DMD: variants seen among roughly 807,000 people sequenced by gnomAD.
DMD encodes dystrophin.
In DMD, 63 loss-of-function variants were observed where a neutral mutation model predicts 330.1. The observed-to-expected ratio is 0.19, with a 90% CI of 0.16 to 0.24. The LOEUF is 0.24. DMD is among the 10% of genes least tolerant of loss of function. The pLI, the probability that DMD is intolerant of heterozygous loss-of-function variation, is 1.00. For missense variants in DMD, 3,344 were observed against 2,684.1 expected (o/e 1.25, Z -5.43); for synonymous variants, 1,223 against 959.8 (o/e 1.27, Z -5.07).
In DMD at chrX:32,438,356, T is replaced by A. The variant is rs752026173; in HGVS notation, c.3956A>T (p.Asn1319Ile). ...LENLMRHSED[N>I]PNQIRILAQT... ...TGCCAATATGCGAATCTGATTTGGG[T>A]TATCCTCTGAATGTCGCATCAAATT... is the stretch of plus-strand genomic sequence containing the variant. Residue 1319 changes from asparagine to isoleucine, a missense_variant, in exon 29 of 79, where the codon AAC (asparagine) becomes ATC (isoleucine). By Grantham distance (149) the Asn-to-Ile change is moderately radical. Transcript: ENST00000357033. 8.3e-7 allele frequency: 1 copy of A among 1,210,029 alleles called. No homozygotes were observed. Among genetic ancestry groups the A allele is most frequent in the Non-Finnish European group, 1.1e-6 (1 of 895,131 alleles).
intron 55 of DMD, among the ~76,000 whole-genome samples, chrX:31,535,872 G>A (rs1430748893): frequency 8.9e-6 from 1 of 111,773 alleles, no homozygotes. Flanking sequence ...TGATATCAGG[G>A]TTTAGATTAG....
At chrX:32,085,627 T>TATAC (rs1277509615) in intron 44 of DMD, among the ~76,000 whole-genome samples, 4 of 64,992 alleles carry the variant, frequency 6.2e-5, no homozygotes, top group East Asian at 6.9e-4. Flanking sequence ...CGTATATATA[T>TATAC]ACACATATAT....
chrX:31,354,439 AAAAAG>A (rs1007677746), intron 60 of DMD, among the ~76,000 whole-genome samples: 8 of 111,120 alleles, frequency 7.2e-5, no homozygotes, highest in African/African-American at 1.3e-4. Flanking sequence ...TGAAAGTAAA[AAAAAG>A]AAAAGAAGAA....
At chrX:31,461,645 C>T (rs988155115) in intron 59 of DMD, among the ~76,000 whole-genome samples, 10 of 111,359 alleles carry the variant, frequency 9.0e-5, no homozygotes, top group Non-Finnish European at 1.9e-4. Context: ...TTCTGATGAA[C>T]AGCTATCAAG....
chrX:31,979,624 CAA>C (rs3038594), intron 44 of DMD, among the ~76,000 whole-genome samples: 24,051 of 103,709 alleles, frequency 0.23, 2,298 homozygotes, highest in South Asian at 0.4. Context: ...AGGGGTCTAG[CAA>C]AAAAAAAAAA....
chrX:31,161,783 T>TC (rs962522981), intron 74 of DMD, among the ~76,000 whole-genome samples: 105 of 109,767 alleles, frequency 9.6e-4, no homozygotes, highest in African/African-American at 3.2e-3. Flanking sequence ...TTCTCAATCC[T>TC]CCCCCCCGTC....
In DMD at chrX:32,455,856, T is replaced by C. The variant is rs192280430; in HGVS notation, c.3433-1024A>G. Among the ~76,000 whole-genome samples, 381 of 111,389 alleles carry C rather than the reference T, an allele frequency of 3.4e-3. 3 individuals carry two copies. The highest frequency in any genetic ancestry group is 0.012 in the African/African-American group (369 of 30,808). ...GTGGTTATAGAAAACATCTGCTATT[T>C]AAAGCCTCACGCATTTTTGAAAACT... is the stretch of plus-strand genomic sequence containing the variant. On this transcript the variant is annotated intron_variant, in intron 25 of 78. Coordinates refer to ENST00000357033, the MANE Select transcript of DMD (RefSeq NM_004006.3).
intron 54 of DMD, among the ~76,000 whole-genome samples, chrX:31,638,777 C>T (rs1160692584): frequency 8.9e-6 from 1 of 112,260 alleles, no homozygotes; most frequent in Non-Finnish European, 1.9e-5. Context: ...CTTATAGCCT[C>T]CACGTAAGTT....
At chrX:31,527,435 G>T (rs1452986805) in intron 55 of DMD, among the ~76,000 whole-genome samples, 1 of 111,973 alleles carries the variant, frequency 8.9e-6, no homozygotes, top group Non-Finnish European at 1.9e-5. Flanking sequence ...AAGGCACCCA[G>T]TTAAATTTAA....
Position 32,765,299 on chromosome X carries a change from G to A in DMD, c.649+44194C>T, listed in dbSNP as rs185381540. ...ATGAATGGTTTAGTACTGTCCGCTT[G>A]GTACTATTCTCGTGATAGAGAGTTC... On this transcript the variant is annotated intron_variant, in intron 7 of 78. Coordinates refer to ENST00000357033, the MANE Select transcript of DMD (RefSeq NM_004006.3). 5.4e-5 allele frequency among the ~76,000 whole-genome samples: 6 copies of A among 110,235 alleles called. No individual in the cohort carries two copies. In the East Asian group the frequency reaches 1.7e-3, roughly 32 times the overall value.
intron 2 of DMD, among the ~76,000 whole-genome samples, chrX:32,997,038 G>A (rs2093139622): frequency 9.0e-6 from 1 of 111,556 alleles, no homozygotes; most frequent in Admixed American, 9.5e-5. Flanking sequence ...GAGGTACAGT[G>A]TAGTTTTGTT....
chrX:31,650,503 G>C (rs991719689), intron 54 of DMD, among the ~76,000 whole-genome samples: 2 of 110,930 alleles, frequency 1.8e-5, no homozygotes, highest in South Asian at 3.8e-4. Flanking sequence ...GCAAATAAAA[G>C]GTATGGCTAT....
chrX:32,000,661 T>C lies in DMD; in HGVS notation c.6439-32147A>G, dbSNP rs758397361. Among the ~76,000 whole-genome samples the C allele has an allele frequency of 2.5e-4, 28 of 111,912 alleles. No individual in the cohort carries two copies. The South Asian group carries it at 9.2e-3, about 37-fold the overall frequency. ...GTGATAGTAAAGCTTTAGCACTTGG[T>C]TAAACTCCTGCGTTATAATGTATCA... On this transcript the variant is annotated intron_variant, in intron 44 of 78. Coordinates refer to ENST00000357033, the MANE Select transcript of DMD (RefSeq NM_004006.3).
At chrX:33,029,883 A>G (rs1451609501) in intron 1 of DMD, among the ~76,000 whole-genome samples, 1 of 111,786 alleles carries the variant, frequency 8.9e-6, no homozygotes, top group African/African-American at 3.2e-5. Context: ...CATCTGGTAG[A>G]TTGTGCAAAC....
chrX:32,579,412 G>A (rs1343310121), intron 13 of DMD, among the ~76,000 whole-genome samples: 1 of 112,005 alleles, frequency 8.9e-6, no homozygotes, highest in African/African-American at 3.2e-5. Context: ...CTTGTCTGAG[G>A]TCACAGAAGC....
intron 44 of DMD, among the ~76,000 whole-genome samples, chrX:32,191,058 A>G (rs959499029): frequency 3.0e-4 from 33 of 110,679 alleles, no homozygotes; most frequent in African/African-American, 1.1e-3. Flanking sequence ...CCAGGTCCCA[A>G]TTTTTCATTA....
chrX:32,066,695 G>A (rs2096262459), intron 44 of DMD, among the ~76,000 whole-genome samples: 1 of 110,899 alleles, frequency 9.0e-6, no homozygotes, highest in Non-Finnish European at 1.9e-5. Context: ...CTATATATTT[G>A]GGTGCTGAAG....
chrX:32,464,147 G>A (rs2098393090), intron 24 of DMD, among the ~76,000 whole-genome samples: 1 of 111,799 alleles, frequency 8.9e-6, no homozygotes, highest in Admixed American at 9.6e-5. Context: ...AACACAGTAT[G>A]AATAGTAATT....
intron 45 of DMD, among the ~76,000 whole-genome samples, chrX:31,951,991 A>G (rs1383492542): frequency 6.3e-5 from 7 of 110,891 alleles, no homozygotes; most frequent in Non-Finnish European, 1.3e-4. Flanking sequence ...CTTGGTTGGC[A>G]ATTTTGTGTT....
Sources: allele counts gnomAD v4.1 joint callset (sites outside exome capture counted in the v4.1 genomes callset), GRCh38; gene constraint gnomAD v4.1.1; transcripts MANE v1.5; gene names NCBI Gene and HGNC (gene_info 2026-07-23, HGNC 2026-07-21).